Variants in SCAPER observed in about 807,000 individuals in gnomAD.
The protein encoded by SCAPER is S-phase cyclin A associated protein in the ER.
SCAPER carries 98 observed loss-of-function variants against 182.2 expected under a neutral mutation model. The ratio of observed to expected loss-of-function variants is 0.54; its 90% CI spans 0.46 to 0.64. SCAPER has a LOEUF of 0.64. Among genes scored for constraint, SCAPER ranks in the 30% least tolerant of loss-of-function variants. SCAPER has a pLI of 0.00. For synonymous variants in SCAPER, 605 were observed against 564.6 expected, an observed-to-expected ratio of 1.07 and a Z score of -1.01; for missense variants, 1,432 against 1,690.0, an observed-to-expected ratio of 0.85 and a Z score of 2.68.
chr15:76,819,745 A>C lies in SCAPER; in HGVS notation c.394-15112T>G, dbSNP rs563932146. 3.3e-5 allele frequency among the ~76,000 whole-genome samples: 5 copies of C among 152,310 alleles called. No homozygotes were observed. In the East Asian group the frequency reaches 9.6e-4, roughly 29 times the overall value. On this transcript the variant is annotated intron_variant, in intron 5 of 31. Transcript: ENST00000563290. ...CAAAGCTGGACGGAGAATGACTTTG[A>C]CCAGTTGAGAGAGGAAGGCTTTTGC...
At chr15:76,783,854 T>C (rs2064360698) in intron 8 of SCAPER, among the ~76,000 whole-genome samples, 2 of 152,188 alleles carry the variant, frequency 1.3e-5, no homozygotes, top group Admixed American at 6.5e-5. Flanking sequence ...CTAAAAACTC[T>C]CAATAAACTA....
chr15:76,698,974 T>C (rs1462031885), intron 20 of SCAPER, among the ~76,000 whole-genome samples: 1 of 152,222 alleles, frequency 6.6e-6, no homozygotes, highest in East Asian at 1.9e-4. Flanking sequence ...TGTAGACATC[T>C]TTCACCTTCC....
At chr15:76,706,165 T>C (rs1217098650) in intron 17 of SCAPER, among the ~76,000 whole-genome samples, 181 bp from the exon 18 acceptor site, 3 of 152,150 alleles carry the variant, frequency 2.0e-5, no homozygotes, top group African/African-American at 4.8e-5. Context: ...TGGGAAACAA[T>C]AGAGATTATC....
chr15:76,694,953 A>C (rs1468914580), intron 20 of SCAPER, among the ~76,000 whole-genome samples: 2 of 152,160 alleles, frequency 1.3e-5, no homozygotes, highest in Non-Finnish European at 2.9e-5. Context: ...ACCAATCATA[A>C]GATGGAGAAA....
intron 22 of SCAPER, among the ~76,000 whole-genome samples, chr15:76,608,289 C>T (rs997363679): frequency 2.6e-5 from 4 of 152,220 alleles, no homozygotes; most frequent in Middle Eastern, 3.2e-3. Context: ...CCACTCCAGA[C>T]ACTGTTTGCC....
chr15:76,539,918 T>C (rs1282857209), intron 23 of SCAPER, among the ~76,000 whole-genome samples: 2 of 152,118 alleles, frequency 1.3e-5, no homozygotes, highest in Non-Finnish European at 2.9e-5. Context: ...ATGGTATATG[T>C]AAAGGGATGC....
rs535995919 is a variant in SCAPER, at chr15:76,517,415, T to A, written c.2839-12441A>T. 1.7e-4 allele frequency among the ~76,000 whole-genome samples: 26 copies of A among 151,468 alleles called. No individual in the cohort carries two copies. The South Asian group carries it at 4.0e-3, about 23-fold the overall frequency. On this transcript the variant is annotated intron_variant, in intron 23 of 31. Transcript: ENST00000563290. ...CCCAGGCTGGAGTGCAGTGGTGTGA[T>A]CTTGACTCACTGCAACCTCTGCCTC... is the stretch of plus-strand genomic sequence containing the variant.
At chr15:76,660,810 T>A (rs939593415) in intron 21 of SCAPER, among the ~76,000 whole-genome samples, 2 of 152,092 alleles carry the variant, frequency 1.3e-5, no homozygotes, top group African/African-American at 4.8e-5. Flanking sequence ...CATGTTCATG[T>A]ACATTAAAAA....
intron 23 of SCAPER, among the ~76,000 whole-genome samples, chr15:76,505,820 A>G (rs1006312644): frequency 3.3e-5 from 5 of 152,244 alleles, no homozygotes; most frequent in Non-Finnish European, 5.9e-5. Context: ...TATTCACAAT[A>G]TAGCCAAGAA....
intron 22 of SCAPER, among the ~76,000 whole-genome samples, chr15:76,611,246 A>G (rs1488008248): frequency 1.3e-5 from 2 of 152,168 alleles, no homozygotes; most frequent in African/African-American, 2.4e-5. Context: ...GTCTCAAACA[A>G]TATAGAAAAA....
intron 25 of SCAPER, among the ~76,000 whole-genome samples, chr15:76,469,111 C>T (rs2049924777): frequency 6.6e-6 from 1 of 152,164 alleles, no homozygotes; most frequent in East Asian, 1.9e-4. Context: ...GACATCTATA[C>T]ATATGCAGAA....
intron 26 of SCAPER, among the ~76,000 whole-genome samples, chr15:76,426,307 G>T (rs1359238493): frequency 6.6e-6 from 1 of 152,208 alleles, no homozygotes; most frequent in African/African-American, 2.4e-5. Context: ...CCTCAGCAAT[G>T]GCGGGCACCC....
rs560347162 is a variant in SCAPER, at chr15:76,883,124, C to A, written c.6+688G>T. Among the ~76,000 whole-genome samples the A allele has an allele frequency of 8.6e-4, 131 of 152,272 alleles. 1 individual carries two copies. Among genetic ancestry groups the A allele is most frequent in the Middle Eastern group, 3.4e-3 (1 of 294 alleles). ...TCACAAACTAAACTTAGGGTCCCCC[C>A]AGGCCAGACAATAAGAGAGAAGGAA... On this transcript the variant is annotated intron_variant, in intron 2 of 31. Coordinates refer to ENST00000563290, the MANE Select transcript of SCAPER (RefSeq NM_020843.4).
chr15:76,434,615 G>A (rs1009671704), intron 25 of SCAPER, among the ~76,000 whole-genome samples: 2 of 152,118 alleles, frequency 1.3e-5, no homozygotes, highest in South Asian at 4.1e-4. Flanking sequence ...CTTAGAACAT[G>A]CACAGGCATG....
intron 23 of SCAPER, among the ~76,000 whole-genome samples, chr15:76,560,021 C>T (rs1051069434): frequency 6.6e-6 from 1 of 151,738 alleles, no homozygotes; most frequent in Non-Finnish European, 1.5e-5. Context: ...CATCAAATTC[C>T]CACACATCAA....
At chr15:76,822,853 G>GT (rs2067687272) in intron 5 of SCAPER, among the ~76,000 whole-genome samples, 1 of 152,194 alleles carries the variant, frequency 6.6e-6, no homozygotes, top group African/African-American at 2.4e-5. Flanking sequence ...GATATCAAAT[G>GT]TGACTGTGTG....
chr15:76,455,980 T>C (rs908657408), intron 25 of SCAPER, among the ~76,000 whole-genome samples: 2 of 152,220 alleles, frequency 1.3e-5, no homozygotes, highest in African/African-American at 2.4e-5. Flanking sequence ...TCCATGTCCC[T>C]GCAAAGGACA....
At position 76,598,911 on chromosome 15, in the gene SCAPER, C is replaced by T. The variant is rs1444931925; in HGVS notation, c.2711+22853G>A. On this transcript the variant is annotated intron_variant, in intron 22 of 31. Transcript: ENST00000563290. ...ACCTACGTAACCTGTATGTTCTGCA[C>T]ATTTATCCCAGAAATTAAAGTATAA... 1.7e-5 allele frequency among the ~76,000 whole-genome samples: 2 copies of T among 116,124 alleles called. 1 individual carries two copies. Among genetic ancestry groups the T allele is most frequent in the South Asian group, 5.5e-4 (2 of 3,634 alleles). The allele number at this position is 116,124 out of a possible 152,430, so 76.2% of individuals were successfully genotyped here.
intron 27 of SCAPER, among the ~76,000 whole-genome samples, chr15:76,393,902 G>A (rs2043872555): frequency 1.3e-5 from 2 of 152,166 alleles, no homozygotes; most frequent in Non-Finnish European, 2.9e-5. Flanking sequence ...CCACAGATGT[G>A]TGAATAAGCA....
Sources: allele counts gnomAD v4.1 joint callset (sites outside exome capture counted in the v4.1 genomes callset), GRCh38; gene constraint gnomAD v4.1.1; transcripts MANE v1.5; gene names NCBI Gene and HGNC (gene_info 2026-07-23, HGNC 2026-07-21).